The following RDH11 variants were observed in gnomAD, a reference collection of about 807,000 sequenced individuals.
The protein encoded by RDH11 is retinol dehydrogenase 11, also known as HCV core-binding protein HCBP12.
In RDH11, 19 loss-of-function variants were observed where a neutral mutation model predicts 33.4. The ratio of observed to expected loss-of-function variants is 0.57; its 90% CI spans 0.40 to 0.83. The LOEUF (loss-of-function observed/expected upper bound fraction) is 0.83, where lower values mean the gene tolerates loss of function less well. RDH11 is among the 40% of genes least tolerant of loss of function. The probability of loss-of-function intolerance (pLI) is 0.00; values close to 1 mark genes in which losing one functional copy is unlikely to be tolerated. For missense variants in RDH11, 353 were observed against 389.0 expected (o/e 0.91, Z 0.78); for synonymous variants, 154 against 155.3 (o/e 0.99, Z 0.06).
chr14:67,687,157 C>T (rs569143461), intron 5 of RDH11, among the ~76,000 whole-genome samples: 4 of 152,208 alleles, frequency 2.6e-5, no homozygotes, highest in Non-Finnish European at 5.9e-5. Context: ...CCTCCAATTC[C>T]ACCACCTAGT....
intron 5 of RDH11, among the ~76,000 whole-genome samples, chr14:67,687,380 T>A (rs528249213): frequency 6.6e-6 from 1 of 151,668 alleles, no homozygotes; most frequent in East Asian, 1.9e-4. Context: ...AACCTACCAA[T>A]GGTAACCTTC....
At chr14:67,690,583 G>T in intron 4 of RDH11, 162 bp from the exon 5 acceptor site, 1 of 629,492 alleles carries the variant, frequency 1.6e-6, no homozygotes, top group Non-Finnish European at 2.8e-6. Flanking sequence ...AAGGTTTAGG[G>T]AAATAACAAC....
intron 6 of RDH11, among the ~76,000 whole-genome samples, chr14:67,683,341 A>G (rs1219962540): frequency 2.6e-5 from 4 of 152,282 alleles, no homozygotes; most frequent in African/African-American, 9.6e-5. Flanking sequence ...TGGAAAATCA[A>G]TCCAGTATAC....
chr14:67,680,749 G>A (rs1271701850), intron 6 of RDH11, among the ~76,000 whole-genome samples: 2 of 152,302 alleles, frequency 1.3e-5, no homozygotes, highest in East Asian at 1.9e-4. Flanking sequence ...GTGAGCCGCC[G>A]CGCCCAGCCA....
At chr14:67,691,338 G>A in intron 3 of RDH11, 94 bp from the exon 4 acceptor site, 1 of 763,862 alleles carries the variant, frequency 1.3e-6, no homozygotes, top group East Asian at 2.5e-5. Flanking sequence ...AAATGAGGAT[G>A]CAGGACTTCA....
chr14:67,679,771 A>AT (rs2037590092), intron 6 of RDH11, among the ~76,000 whole-genome samples: 1 of 152,180 alleles, frequency 6.6e-6, no homozygotes. Flanking sequence ...ATTCTGACTC[A>AT]TTTTTGTATT....
chr14:67,694,513 TA>T (rs1451526476), intron 1 of RDH11, among the ~76,000 whole-genome samples: 2 of 135,990 alleles, frequency 1.5e-5, no homozygotes, highest in African/African-American at 5.6e-5. Flanking sequence ...TATACACACA[TA>T]TATTTTTTTT....
chr14:67,684,974 G>T, intron 6 of RDH11, 41 bp downstream of exon 6: 1 of 1,531,470 alleles, frequency 6.5e-7, no homozygotes, highest in South Asian at 1.2e-5. Context: ...TATCTCCTTT[G>T]AGCAATAAAT....
Position 67,678,276 on chromosome 14 carries a change from T to C in RDH11, c.*45A>G. 1 of 1,180,856 alleles carries C rather than the reference T, an allele frequency of 8.5e-7. No homozygotes were observed. The highest frequency in any genetic ancestry group is 1.2e-5 in the South Asian group (1 of 82,394). 73.1% of individuals were successfully genotyped at this position (1,180,856 alleles called of 1,614,324 possible). A position where few individuals can be genotyped will look rare whatever the true frequency, so the allele number is the denominator to read the frequency against. On this transcript the variant is annotated 3_prime_UTR_variant, in exon 7 of 7. Transcript: ENST00000381346. ...AGAATCATTTTGACAAGAAGTACTG[T>C]GTAGTCTGCTGCAGTCTTCTCTTGG...
chr14:67,692,763 T>C (rs1321834772), intron 2 of RDH11, 170 bp from the exon 3 acceptor site: 2 of 871,986 alleles, frequency 2.3e-6, no homozygotes, highest in Non-Finnish European at 3.5e-6. Context: ...ATAATATTCA[T>C]TAAGGGTCCA....
chr14:67,678,294 T>G lies in RDH11; in HGVS notation c.*27A>C. Reference sequence around the variant, plus strand: ...AGTACTGTGTAGTCTGCTGCAGTCTTCTCTTGGGTCCAACTGGCACTGCCT... The same window carrying G: ...AGTACTGTGTAGTCTGCTGCAGTCTGCTCTTGGGTCCAACTGGCACTGCCT... On this transcript the variant is annotated 3_prime_UTR_variant, in exon 7 of 7. Transcript: ENST00000381346. The G allele has an allele frequency of 5.0e-6, 7 of 1,410,596 alleles. No homozygotes were observed. Among genetic ancestry groups the G allele is most frequent in the Non-Finnish European group, 7.0e-6 (7 of 994,252 alleles). The allele number at this position is 1,410,596 out of a possible 1,614,324, so 87.4% of individuals were successfully genotyped here.
chr14:67,691,174 A>C lies in RDH11; in HGVS notation c.420T>G (p.Asp140Glu), dbSNP rs1214370829. Residue 140 changes from aspartate to glutamate, a missense_variant, in exon 4 of 7, where the codon GAT (aspartate) becomes GAG (glutamate). Transcript: ENST00000381346. The stretch of plus-strand genomic sequence containing the variant: ...TGACTCCTATGTGCATCTCAAAGCC[A>C]TCTGCTGTCTTCGAGTACGGACACA... ...VMMCPYSKTA[D>E]GFEMHIGVNH... 1 of 1,614,102 alleles carries C rather than the reference A, an allele frequency of 6.2e-7. No homozygotes were observed. Among genetic ancestry groups the C allele is most frequent in the South Asian group, 1.1e-5 (1 of 91,088 alleles).
In RDH11 at chr14:67,692,566, T is replaced by C; in HGVS notation, c.221A>G (p.Asp74Gly). Residue 74 changes from aspartate to glycine, a missense_variant, in exon 3 of 7, where the codon GAT becomes GGT. Asp to Gly is a moderately conservative substitution (Grantham distance 94). Transcript: ENST00000381346. ...RGARVYLACR[D>G]VEKGELVAKE... ...GGCCACCAATTCCCCCTTTTCCACATCCCGGCAAGCTAAATATACTCGAGC... is the reference window on the plus strand; with the variant it reads ...GGCCACCAATTCCCCCTTTTCCACACCCCGGCAAGCTAAATATACTCGAGC... 1 of 1,602,810 alleles carries C rather than the reference T, an allele frequency of 6.2e-7. No homozygotes were observed. Among genetic ancestry groups the C allele is most frequent in the East Asian group, 2.2e-5 (1 of 44,516 alleles).
Position 67,688,884 on chromosome 14 carries a change from A to G in RDH11, c.664+1328T>C, listed in dbSNP as rs565107662. On this transcript the variant is annotated intron_variant, in intron 5 of 6. Transcript: ENST00000381346. ...GAGACTATACCTATCTTGTTCACCA[A>G]TTCATCCCCTGTCCCCTAACCCAGT... is the stretch of plus-strand genomic sequence containing the variant. Among the ~76,000 whole-genome samples the G allele has an allele frequency of 4.8e-4, 73 of 152,106 alleles. 1 individual carries two copies. Among genetic ancestry groups the G allele is most frequent in the Non-Finnish European group, 9.3e-4 (63 of 68,042 alleles).
intron 6 of RDH11, among the ~76,000 whole-genome samples, chr14:67,682,886 G>T (rs2037631596): frequency 6.6e-6 from 1 of 152,216 alleles, no homozygotes; most frequent in Non-Finnish European, 1.5e-5. Context: ...ACAATGAAAT[G>T]TTATCCAGCA....
intron 1 of RDH11, among the ~76,000 whole-genome samples, chr14:67,694,443 TATATATATACACACACACAC>T (rs1197883541): frequency 2.2e-5 from 3 of 139,504 alleles, no homozygotes; most frequent in Non-Finnish European, 3.1e-5. Context: ...TATATATATA[TATATATATACACACACACAC>T]ACATATATAT....
At chr14:67,691,306 C>G in intron 3 of RDH11, 62 bp from the exon 4 acceptor site, 2 of 1,086,088 alleles carry the variant, frequency 1.8e-6, no homozygotes, top group Non-Finnish European at 2.8e-6. Context: ...TCTTAGAAAG[C>G]TGCCTCACGC....
Position 67,695,418 on chromosome 14 carries a change from C to T in RDH11, c.74+212G>A, listed in dbSNP as rs79832015. ...CAGGCCAGGGAAAAGCAGTGTGCCC[C>T]GGACTGCCGCCCTTTCTCACCGCCT... is the stretch of plus-strand genomic sequence containing the variant. On this transcript the variant is annotated intron_variant, in intron 1 of 6. Coordinates refer to ENST00000381346, the MANE Select transcript of RDH11 (RefSeq NM_016026.4). 3.6e-3 allele frequency among the ~76,000 whole-genome samples: 542 copies of T among 152,298 alleles called. 6 individuals carry two copies. The highest frequency in any genetic ancestry group is 0.026 in the East Asian group (135 of 5,172).
intron 3 of RDH11, chr14:67,691,941 T>C (rs1340845312): frequency 6.5e-6 from 1 of 153,826 alleles, no homozygotes; most frequent in Non-Finnish European, 1.4e-5. Context: ...CCAGCTCGGG[T>C]TCTAATTTTT....
Sources: allele counts gnomAD v4.1 joint callset (sites outside exome capture counted in the v4.1 genomes callset), GRCh38; gene constraint gnomAD v4.1.1; transcripts MANE v1.5; gene names NCBI Gene and HGNC (gene_info 2026-07-23, HGNC 2026-07-21).